SLC1A1: variants seen among roughly 807,000 people sequenced by gnomAD.
SLC1A1 encodes the protein solute carrier family 1 member 1.
In SLC1A1, 43 loss-of-function variants were observed where a neutral mutation model predicts 53.3. That is an observed-to-expected ratio of 0.81 (90% CI 0.63 to 1.04). SLC1A1 has a LOEUF of 1.04. Ranked by LOEUF, SLC1A1 falls within the 50% of genes least tolerant of loss-of-function variation. The pLI is 0.00. For missense variants in SLC1A1, 748 were observed against 664.9 expected (o/e 1.12, Z -1.37); for synonymous variants, 307 against 243.2 (o/e 1.26, Z -2.44).
chr9:4,495,954 GTGTT>G (rs1211690954), intron 1 of SLC1A1, among the ~76,000 whole-genome samples: 1 of 152,158 alleles, frequency 6.6e-6, no homozygotes, highest in African/African-American at 2.4e-5. Flanking sequence ...AGCCAGAAGG[GTGTT>G]TGGGTAAAGG....
chr9:4,580,476 G>A (rs1031413065), intron 10 of SLC1A1, among the ~76,000 whole-genome samples: 39 of 151,950 alleles, frequency 2.6e-4, no homozygotes, highest in African/African-American at 9.2e-4. Context: ...AGCTACTCAG[G>A]AGGCTGAGGC....
At chr9:4,515,424 T>G (rs188266927) in intron 1 of SLC1A1, among the ~76,000 whole-genome samples, 6 of 152,330 alleles carry the variant, frequency 3.9e-5, no homozygotes, top group Admixed American at 3.9e-4. Context: ...ATTTTTCCTT[T>G]GTTGGGTCTC....
chr9:4,524,642 G>A (rs898297839), intron 1 of SLC1A1, among the ~76,000 whole-genome samples: 2 of 152,192 alleles, frequency 1.3e-5, no homozygotes, highest in African/African-American at 4.8e-5. Context: ...TTCTGGTGAA[G>A]ACTTTCGAGC....
intron 1 of SLC1A1, among the ~76,000 whole-genome samples, chr9:4,538,670 G>C (rs1816764305): frequency 6.6e-6 from 1 of 152,118 alleles, no homozygotes; most frequent in South Asian, 2.1e-4. Context: ...TTTATTTAAA[G>C]GATTTGAAAA....
Position 4,576,737 on chromosome 9 carries a change from G to T in SLC1A1, c.1167G>T (p.Leu389Phe). 1.2e-6 allele frequency: 2 copies of T among 1,614,068 alleles called. No individual in the cohort carries two copies. The highest frequency in any genetic ancestry group is 1.7e-6 in the Non-Finnish European group (2 of 1,179,986). The change falls in exon 10 of 12, where the codon TTG becomes TTT. Residue 389 changes from leucine (L) to phenylalanine (F), a missense_variant. Coordinates refer to ENST00000262352, the MANE Select transcript of SLC1A1 (RefSeq NM_004170.6). ...TTGCACAGTTGAATGACCTGGACTT[G>T]GGCATTGGGCAGATCATCACCATCA... ...VFIAQLNDLD[L>F]GIGQIITISI...
At chr9:4,570,717 T>C (rs1819951312) in intron 6 of SLC1A1, among the ~76,000 whole-genome samples, 1 of 152,106 alleles carries the variant, frequency 6.6e-6, no homozygotes, top group Non-Finnish European at 1.5e-5. Flanking sequence ...GTTATCTCTC[T>C]GTAAATCTCA....
rs1045039130 is a variant in SLC1A1 at position 4,556,041 on chromosome 9, T to C, written c.233-5408T>C. On this transcript the variant is annotated intron_variant, in intron 2 of 11. Transcript: ENST00000262352. This position sits in a 1 kb window ranked among gnomAD's most constrained non-coding sequence, Gnocchi z 4.1. ...TTCACTCCTGTTGCCCAGGCTGAAG[T>C]GCAGTGGCATGATATCGGCTCACTG... Among the ~76,000 whole-genome samples, 5 of 151,670 alleles carry C rather than the reference T, an allele frequency of 3.3e-5. No homozygotes were observed. Among genetic ancestry groups the C allele is most frequent in the African/African-American group, 1.2e-4 (5 of 41,272 alleles).
chr9:4,539,977 A>G (rs913618378), intron 1 of SLC1A1, among the ~76,000 whole-genome samples: 1 of 152,206 alleles, frequency 6.6e-6, no homozygotes, highest in African/African-American at 2.4e-5. Flanking sequence ...CCTCACTCTG[A>G]AGCCTGGACC....
intron 4 of SLC1A1, among the ~76,000 whole-genome samples, chr9:4,565,226 C>T (rs1041440786): frequency 6.6e-6 from 1 of 152,276 alleles, no homozygotes; most frequent in Non-Finnish European, 1.5e-5. Flanking sequence ...AGAAACCATA[C>T]CTTCTTTTTA....
At chr9:4,551,136 G>C (rs990991048) in intron 2 of SLC1A1, among the ~76,000 whole-genome samples, 2 of 152,184 alleles carry the variant, frequency 1.3e-5, no homozygotes, top group African/African-American at 4.8e-5. Context: ...AGTGCAGTTG[G>C]TGATAGTTTT....
chr9:4,492,479 CAA>C (rs34199207), intron 1 of SLC1A1, among the ~76,000 whole-genome samples: 220 of 96,300 alleles, frequency 2.3e-3, no homozygotes, highest in Middle Eastern at 6.3e-3. Flanking sequence ...AAGAATCCAC[CAA>C]AAAAAAAAAA....
At chr9:4,516,768 T>C (rs17755777) in intron 1 of SLC1A1, among the ~76,000 whole-genome samples, 33,357 of 152,178 alleles carry the variant, frequency 0.22, 4,299 homozygotes, top group Admixed American at 0.31. Context: ...TAACACACGG[T>C]TTATCTCATT....
intron 1 of SLC1A1, among the ~76,000 whole-genome samples, chr9:4,541,712 A>C (rs918478291): frequency 6.6e-6 from 1 of 152,212 alleles, no homozygotes; most frequent in South Asian, 2.1e-4. Flanking sequence ...AAGGCTCAAA[A>C]TAAAGTTTCA....
chr9:4,538,808 A>G (rs1816776310), intron 1 of SLC1A1, among the ~76,000 whole-genome samples: 1 of 152,246 alleles, frequency 6.6e-6, no homozygotes, highest in African/African-American at 2.4e-5. Context: ...GATACAGATT[A>G]TTACAGCCTA....
chr9:4,492,298 GATTA>G (rs2130785843), intron 1 of SLC1A1, among the ~76,000 whole-genome samples: 1 of 152,216 alleles, frequency 6.6e-6, no homozygotes, highest in South Asian at 2.1e-4. Flanking sequence ...AAGAGTCGAG[GATTA>G]ATTGTTAAAT....
chr9:4,502,992 T>C (rs971574012), intron 1 of SLC1A1, among the ~76,000 whole-genome samples: 1 of 151,836 alleles, frequency 6.6e-6, no homozygotes, highest in Non-Finnish European at 1.5e-5. Flanking sequence ...GCCCTAATCC[T>C]TTTGCTCAAA....
chr9:4,579,636 G>A (rs1156338691), intron 10 of SLC1A1, among the ~76,000 whole-genome samples: 2 of 152,272 alleles, frequency 1.3e-5, no homozygotes, highest in East Asian at 1.9e-4. Context: ...ACAACTGTGA[G>A]GCCCAAAGTA....
At chr9:4,508,432 T>G (rs887466122) in intron 1 of SLC1A1, among the ~76,000 whole-genome samples, 1 of 152,118 alleles carries the variant, frequency 6.6e-6, no homozygotes, top group Non-Finnish European at 1.5e-5. Context: ...GAGACTAGAT[T>G]CCTGTGGGCT....
At chr9:4,521,291 C>T (rs2130831370) in intron 1 of SLC1A1, among the ~76,000 whole-genome samples, 1 of 152,276 alleles carries the variant, frequency 6.6e-6, no homozygotes, top group East Asian at 1.9e-4. Flanking sequence ...CCAGGTACTA[C>T]CTCCTATTTA....
Sources: gnomAD v4.1 joint callset for allele counts (sites outside exome capture counted in the v4.1 genomes callset) on GRCh38, gnomAD v4.1.1 for gene constraint, Gnocchi (gnomAD v3.1) non-coding constraint, MANE v1.5 for transcripts, NCBI Gene and HGNC (gene_info 2026-07-23, HGNC 2026-07-21) for gene names.